The following SLC29A4 variants were observed in gnomAD, a reference collection of about 807,000 sequenced individuals.
SLC29A4 encodes the protein equilibrative nucleoside transporter 4.
Under a neutral mutation model 43.9 loss-of-function variants are expected in SLC29A4, and 36 were observed. The observed-to-expected ratio is 0.82, with a 90% CI of 0.63 to 1.08. SLC29A4 has a LOEUF of 1.08. Ranked by LOEUF, SLC29A4 falls within the 50% of genes least tolerant of loss-of-function variation. The pLI is 0.00. For synonymous variants in SLC29A4, 491 were observed against 338.0 expected (o/e 1.45, Z -4.97); for missense variants, 869 against 755.3 (o/e 1.15, Z -1.77).
At chr7:5,301,562 G>A (rs879281284) in intron 10 of SLC29A4, among the ~76,000 whole-genome samples, 5 of 152,176 alleles carry the variant, frequency 3.3e-5, no homozygotes, top group Admixed American at 2.0e-4. Context: ...GAAGAGGAAC[G>A]GGGTTTGATG....
rs1191720265 is a variant in SLC29A4 at position 5,304,303 on chromosome 7, C to CCG, written c.*1365_*1366insGC. On this transcript the variant is annotated 3_prime_UTR_variant, in exon 11 of 11. Coordinates refer to ENST00000396872, the MANE Select transcript of SLC29A4 (RefSeq NM_153247.4). Reference sequence around the variant, plus strand: ...TTTGTCGCTCACCTTGACCGCCCGCCCCCCCCACCCCTTCGTGAGGATCAG... The same window carrying CCG: ...TTTGTCGCTCACCTTGACCGCCCGCCCGCCCCCCACCCCTTCGTGAGGATCAG... The CCG allele has an allele frequency of 2.7e-5, 4 of 147,348 alleles. No homozygotes were observed. The highest frequency in any genetic ancestry group is 2.0e-4 in the East Asian group (1 of 5,044). The allele number at this position is 147,348 out of a possible 1,614,324, so 9.1% of individuals were successfully genotyped here.
At position 5,305,354 on chromosome 7, in the gene SLC29A4, G is replaced by C. The variant is rs538406009; in HGVS notation, c.*2415G>C. ...CTCCATGGGTTACCCTCTTTGCAAA[G>C]CCCCGAATGTCCTCTGCAGGCCACC... On this transcript the variant is annotated 3_prime_UTR_variant, in exon 11 of 11. Transcript: ENST00000396872. 1 of 152,228 alleles carries C rather than the reference G, an allele frequency of 6.6e-6. No homozygotes were observed. Among genetic ancestry groups the C allele is most frequent in the Non-Finnish European group, 1.5e-5 (1 of 68,080 alleles). 9.4% of individuals were successfully genotyped at this position (152,228 alleles called of 1,614,324 possible).
intron 5 of SLC29A4, among the ~76,000 whole-genome samples, chr7:5,293,656 T>G (rs1460691663): frequency 6.6e-6 from 1 of 152,130 alleles, no homozygotes; most frequent in African/African-American, 2.4e-5. Flanking sequence ...TAGATTTTAT[T>G]TTTTTAGAGG....
In SLC29A4 at chr7:5,302,784, GTGT is replaced by G. The variant is rs1786259695; in HGVS notation, c.1451-9_1451-7del. On this transcript the variant is annotated splice_polypyrimidine_tract_variant and intron_variant, in intron 10 of 10. Transcript: ENST00000396872. ...CCCTGGCCCTGCTCCCCTCAGGCTG[GTGT>G]TGTCCACAGGGAACACCATGACCGT... is the stretch of plus-strand genomic sequence containing the variant. 1 of 1,550,238 alleles carries G rather than the reference GTGT, an allele frequency of 6.5e-7. No homozygotes were observed. Among genetic ancestry groups the G allele is most frequent in the East Asian group, 2.4e-5 (1 of 41,054 alleles).
chr7:5,292,331 C>G (rs1436023401), intron 5 of SLC29A4, among the ~76,000 whole-genome samples: 1 of 152,140 alleles, frequency 6.6e-6, no homozygotes, highest in East Asian at 1.9e-4. Context: ...CCAGGCTAGT[C>G]TTGAACTCTT....
intron 10 of SLC29A4, among the ~76,000 whole-genome samples, 196 bp from the exon 11 acceptor site, chr7:5,302,601 A>G (rs1285763453): frequency 6.6e-6 from 1 of 152,228 alleles, no homozygotes; most frequent in African/African-American, 2.4e-5. Flanking sequence ...CCTGGAGTGC[A>G]TAGCAGATGG....
chr7:5,294,199 T>C (rs900342520), intron 5 of SLC29A4, among the ~76,000 whole-genome samples: 2 of 152,078 alleles, frequency 1.3e-5, no homozygotes, highest in African/African-American at 4.8e-5. Flanking sequence ...TCTTAGCCTC[T>C]CAAAGCACTG....
chr7:5,300,934 C>T (rs1297353368), intron 10 of SLC29A4, among the ~76,000 whole-genome samples: 2 of 152,186 alleles, frequency 1.3e-5, no homozygotes, highest in Admixed American at 6.5e-5. Flanking sequence ...AAACGGCGCT[C>T]CCCGTGCTGT....
chr7:5,294,856 T>G lies in SLC29A4; in HGVS notation c.545-4T>G. On this transcript the variant is annotated splice_polypyrimidine_tract_variant and splice_region_variant and intron_variant, in intron 5 of 10. Coordinates refer to ENST00000396872, the MANE Select transcript of SLC29A4 (RefSeq NM_153247.4). ...CTGGGTTGTTCCTCTCTCTCTCTCT[T>G]AAGTGCAGCAATCCAGCTTCTACGG... is the stretch of plus-strand genomic sequence containing the variant. The G allele has an allele frequency of 6.4e-7, 1 of 1,571,974 alleles. No homozygotes were observed. Among genetic ancestry groups the G allele is most frequent in the African/African-American group, 1.5e-5 (1 of 68,234 alleles).
intron 7 of SLC29A4, 139 bp downstream of exon 7, chr7:5,297,337 G>T: frequency 9.8e-7 from 1 of 1,021,842 alleles, no homozygotes; most frequent in Non-Finnish European, 1.4e-6. Flanking sequence ...ACTCCTTCCT[G>T]CCAGCCTCCT....
chr7:5,285,235 C>G (rs1409759908), intron 1 of SLC29A4, among the ~76,000 whole-genome samples: 2 of 152,196 alleles, frequency 1.3e-5, no homozygotes, highest in Non-Finnish European at 2.9e-5. Context: ...CAGCCCAGCT[C>G]TGCTCTAAGC....
At chr7:5,285,741 G>A (rs979224842) in intron 1 of SLC29A4, among the ~76,000 whole-genome samples, 1 of 152,230 alleles carries the variant, frequency 6.6e-6, no homozygotes, top group African/African-American at 2.4e-5. Context: ...GCTGAGCGCA[G>A]TGGCTCATGC....
At position 5,306,702 on chromosome 7, in the gene SLC29A4, C is replaced by T. The variant is rs1018673416; in HGVS notation, c.*3763C>T. On this transcript the variant is annotated 3_prime_UTR_variant, in exon 11 of 11. Coordinates refer to ENST00000396872, the MANE Select transcript of SLC29A4 (RefSeq NM_153247.4). Reference sequence around the variant, plus strand: ...CGCGTGGCACCCAACTTCTTCCAGTCGAATCCTGCTTCTTGGTGCCCTGAT... The same window carrying T: ...CGCGTGGCACCCAACTTCTTCCAGTTGAATCCTGCTTCTTGGTGCCCTGAT... The T allele has an allele frequency of 8.5e-5, 13 of 152,222 alleles. No individual in the cohort carries two copies. The highest frequency in any genetic ancestry group is 1.9e-4 in the East Asian group (1 of 5,162). The allele number at this position is 152,222 out of a possible 1,614,324, so 9.4% of individuals were successfully genotyped here.
chr7:5,290,852 A>C lies in SLC29A4; in HGVS notation c.290A>C (p.His97Pro). ...ATCACGGACGTGGACTACCTGCATC[A>C]CAAGTACCCAGGTGGGTCCCTCCAC... is the stretch of plus-strand genomic sequence containing the variant. ...SFITDVDYLH[H>P]KYPGTSIVFD... The change falls in exon 3 of 11, where the codon CAC becomes CCC. Residue 97 changes from histidine to proline, a missense_variant. Coordinates refer to ENST00000396872, the MANE Select transcript of SLC29A4 (RefSeq NM_153247.4). 6.2e-7 allele frequency: 1 copy of C among 1,612,344 alleles called. No individual in the cohort carries two copies. Among genetic ancestry groups the C allele is most frequent in the Non-Finnish European group, 8.5e-7 (1 of 1,179,310 alleles).
intron 7 of SLC29A4, 63 bp from the exon 8 acceptor site, chr7:5,298,925 C>G: frequency 6.4e-7 from 1 of 1,560,046 alleles, no homozygotes; most frequent in South Asian, 1.2e-5. Context: ...GGCCTGGATT[C>G]CTGGCCCGTG....
chr7:5,294,739 A>G, intron 5 of SLC29A4, 121 bp from the exon 6 acceptor site: 3 of 940,790 alleles, frequency 3.2e-6, no homozygotes, highest in Non-Finnish European at 5.2e-6. Context: ...TCTCTCTGCC[A>G]TTAGTGGTGT....
Position 5,295,953 on chromosome 7 carries a change from A to ATGGCCCTGACCCACCC in SLC29A4, c.620-980_620-965dup, listed in dbSNP as rs373718413. ...ACGGGGTGGCCCACCATGGCCCACCATGGCCCTGACCCACCCTGCCTCACA... is the reference window on the plus strand; with the variant it reads ...ACGGGGTGGCCCACCATGGCCCACCATGGCCCTGACCCACCCTGGCCCTGACCCACCCTGCCTCACA... On this transcript the variant is annotated intron_variant, in intron 6 of 10. Coordinates refer to ENST00000396872, the MANE Select transcript of SLC29A4 (RefSeq NM_153247.4). Among the ~76,000 whole-genome samples, 166 of 145,164 alleles carry ATGGCCCTGACCCACCC rather than the reference A, an allele frequency of 1.1e-3. 3 individuals are homozygous for ATGGCCCTGACCCACCC. Among genetic ancestry groups the ATGGCCCTGACCCACCC allele is most frequent in the African/African-American group, 4.0e-3 (161 of 40,474 alleles).
Position 5,287,227 on chromosome 7 carries a change from A to G in SLC29A4, c.-8-582A>G, listed in dbSNP as rs188938014. 9.2e-5 allele frequency among the ~76,000 whole-genome samples: 14 copies of G among 152,284 alleles called. No homozygotes were observed. In the East Asian group the frequency reaches 2.5e-3, roughly 27 times the overall value. ...TTGGAGTTGGAGACCAGCCTGGGCA[A>G]TGTAGTGAGACCCCCAACTCTACAA... On this transcript the variant is annotated intron_variant, in intron 1 of 10. Transcript: ENST00000396872.
In SLC29A4 at chr7:5,297,313, C is replaced by A. The variant is rs1265185876; in HGVS notation, c.882+115C>A. On this transcript the variant is annotated intron_variant, in intron 7 of 10. Coordinates refer to ENST00000396872, the MANE Select transcript of SLC29A4 (RefSeq NM_153247.4). ...CACCTGCATCCCAGACTGTGGTCTC[C>A]TCCTGTGGTGGAGACTCCTTCCTGC... 3.2e-6 allele frequency: 4 copies of A among 1,243,724 alleles called. No individual in the cohort carries two copies. The African/African-American group carries it at 4.6e-5, about 14-fold the overall frequency. 77.0% of individuals were successfully genotyped at this position (1,243,724 alleles called of 1,614,324 possible).
Sources: gnomAD v4.1 joint callset for allele counts (sites outside exome capture counted in the v4.1 genomes callset) on GRCh38, gnomAD v4.1.1 for gene constraint, MANE v1.5 for transcripts, NCBI Gene and HGNC (gene_info 2026-07-23, HGNC 2026-07-21) for gene names.